TMEM184B: variants seen among roughly 807,000 people sequenced by gnomAD.
TMEM184B encodes the protein putative MAPK-activating protein FM08.
In TMEM184B, 17 loss-of-function variants were observed where a neutral mutation model predicts 41.8. That is an observed-to-expected ratio of 0.41 (90% CI 0.28 to 0.61). The LOEUF is 0.61. Ranked by LOEUF, TMEM184B falls within the 20% of genes least tolerant of loss-of-function variation. The pLI, the probability that TMEM184B is intolerant of heterozygous loss-of-function variation, is 0.34. For missense variants in TMEM184B, 393 were observed against 557.8 expected, an observed-to-expected ratio of 0.70 and a Z score of 2.98; for synonymous variants, 240 against 229.5, an observed-to-expected ratio of 1.05 and a Z score of -0.41.
chr22:38,272,637 T>G, intron 1 of TMEM184B: 1 of 985,426 alleles, frequency 1.0e-6, no homozygotes, highest in Non-Finnish European at 1.2e-6. Context: ...CCCCGCCACG[T>G]TGGCGTGGAA....
At position 38,226,873 on chromosome 22, in the gene TMEM184B, G is replaced by A. The variant is rs1419360245; in HGVS notation, c.526-3C>T. On this transcript the variant is annotated splice_polypyrimidine_tract_variant and splice_region_variant and intron_variant, in intron 5 of 8. Coordinates refer to ENST00000361906, the MANE Select transcript of TMEM184B (RefSeq NM_012264.5). This position sits in a 1 kb window ranked among gnomAD's most constrained non-coding sequence, Gnocchi z 4.6. ...ACCACACAGAACTGCAGGGTGGCCT[G>A]TTGGGGGGAAAAGGAGGTTGAGTGT... is the stretch of plus-strand genomic sequence containing the variant. The A allele has an allele frequency of 6.3e-7, 1 of 1,584,848 alleles. No homozygotes were observed. The highest frequency in any genetic ancestry group is 1.2e-5 in the South Asian group (1 of 86,950).
chr22:38,255,345 T>C (rs1199783190), intron 1 of TMEM184B, among the ~76,000 whole-genome samples: 3 of 151,360 alleles, frequency 2.0e-5, no homozygotes, highest in Non-Finnish European at 4.4e-5. Flanking sequence ...TAATTTTTTT[T>C]GTATTTTTAG....
intron 1 of TMEM184B, among the ~76,000 whole-genome samples, chr22:38,260,290 A>C (rs932094796): frequency 1.3e-5 from 2 of 152,072 alleles, no homozygotes; most frequent in Non-Finnish European, 2.9e-5. Context: ...TCCTGACCTC[A>C]AGTGATCCAC....
intron 1 of TMEM184B, among the ~76,000 whole-genome samples, chr22:38,249,623 A>C (rs1310202136): frequency 6.6e-6 from 1 of 152,194 alleles, no homozygotes; most frequent in Non-Finnish European, 1.5e-5. Context: ...ACCGTCTCTG[A>C]GCCAAAAAGT....
chr22:38,263,437 T>C (rs2092399640), intron 1 of TMEM184B, among the ~76,000 whole-genome samples: 1 of 152,166 alleles, frequency 6.6e-6, no homozygotes, highest in Non-Finnish European at 1.5e-5. Flanking sequence ...GACCTGCTTC[T>C]TCCCTCGGCA....
intron 3 of TMEM184B, among the ~76,000 whole-genome samples, chr22:38,241,465 A>C (rs1319764333): frequency 6.6e-6 from 1 of 150,572 alleles, no homozygotes; most frequent in Non-Finnish European, 1.5e-5. Flanking sequence ...AGGCGCAAGG[A>C]TCATTTGAGC....
Position 38,258,744 on chromosome 22 carries a change from C to T in TMEM184B, c.-58-10725G>A, listed in dbSNP as rs148673493. 4.6e-3 allele frequency among the ~76,000 whole-genome samples: 704 copies of T among 152,176 alleles called. 3 individuals are homozygous for T. Among genetic ancestry groups the T allele is most frequent in the Middle Eastern group, 0.01 (3 of 294 alleles). The stretch of plus-strand genomic sequence containing the variant: ...ACCCTAAGGAAGATAGTTTTAAAGG[C>T]CATAATTAGTATCACATCAATTCAG... On this transcript the variant is annotated intron_variant, in intron 1 of 8. Transcript: ENST00000361906.
At chr22:38,272,689 G>A (rs954245554) in intron 1 of TMEM184B, 195 bp downstream of exon 1, 5 of 985,362 alleles carry the variant, frequency 5.1e-6, no homozygotes, top group South Asian at 4.7e-5. Context: ...GGGGCGGAGA[G>A]GAGGCACGGG....
Position 38,224,819 on chromosome 22 carries a change from G to A in TMEM184B, c.948C>T (p.Tyr316=), listed in dbSNP as rs578213091. Residue 316 remains tyrosine, a synonymous_variant, in exon 8 of 9, where the codon TAC becomes TAT. Transcript: ENST00000361906. ...CCAGCCTCTTGTCAGCATAGACCTT[G>A]TAGGTGAAGGCGTGCCGCAGGGCCA... ...AALALRHAFT[Y]KVYADKRLDA... 1.2e-6 allele frequency: 2 copies of A among 1,613,012 alleles called. No homozygotes were observed. The highest frequency in any genetic ancestry group is 1.1e-5 in the South Asian group (1 of 91,032).
Position 38,225,593 on chromosome 22 carries a change from G to A in TMEM184B, c.618C>T (p.Asp206=), listed in dbSNP as rs772533329. 1.4e-5 allele frequency: 22 copies of A among 1,603,822 alleles called. No individual in the cohort carries two copies. Among genetic ancestry groups the A allele is most frequent in the Non-Finnish European group, 1.6e-5 (19 of 1,176,244 alleles). Reference sequence around the variant, plus strand: ...TCACGTAGAGGTAGCCACTGGTGACGCTGCGGGACGGGGAGCATTTTCTGG... The same window carrying A: ...TCACGTAGAGGTAGCCACTGGTGACACTGCGGGACGGGGAGCATTTTCTGG... ...AFGKYRDGDF[D]VTSGYLYVTI... The change falls in exon 7 of 9, where the codon GAC becomes GAT. Residue 206 remains aspartate, a splice_region_variant and synonymous_variant. Transcript: ENST00000361906. This position sits in a 1 kb window ranked among gnomAD's most constrained non-coding sequence, Gnocchi z 4.4.
chr22:38,236,051 C>A (rs2091765465), intron 3 of TMEM184B, among the ~76,000 whole-genome samples: 1 of 152,212 alleles, frequency 6.6e-6, no homozygotes, highest in Admixed American at 6.5e-5. Flanking sequence ...CAGGCCAAGT[C>A]CAGAGGGCAG....
At chr22:38,257,070 C>G (rs575342080) in intron 1 of TMEM184B, among the ~76,000 whole-genome samples, 209 of 150,864 alleles carry the variant, frequency 1.4e-3, no homozygotes, top group East Asian at 3.3e-3. Flanking sequence ...CAACCTCCAC[C>G]TCCAGAATTC....
In TMEM184B at chr22:38,231,304, C is replaced by A. The variant is rs1442687413; in HGVS notation, c.389G>T (p.Cys130Phe). 1.9e-6 allele frequency: 3 copies of A among 1,614,048 alleles called. No homozygotes were observed. The highest frequency in any genetic ancestry group is 2.5e-6 in the Non-Finnish European group (3 of 1,180,036). ...ACTTTCTCCTCCTAGGTACTCATAGCACAGGCTCAGGAAATTATAGATGAC... is the reference window on the plus strand; with the variant it reads ...ACTTTCTCCTCCTAGGTACTCATAGAACAGGCTCAGGAAATTATAGATGAC... ...ALVIYNFLSL[C>F]YEYLGGESSI... The change falls in exon 4 of 9, where the codon TGC (cysteine) becomes TTC (phenylalanine). Residue 130 changes from cysteine (C) to phenylalanine (F), a missense_variant. This residue lies in a region of TMEM184B where 271 missense variants were observed against 434.1 expected (regional missense o/e 0.62). Coordinates refer to ENST00000361906, the MANE Select transcript of TMEM184B (RefSeq NM_012264.5).
intron 1 of TMEM184B, among the ~76,000 whole-genome samples, chr22:38,271,172 T>C (rs1466878395): frequency 2.0e-5 from 3 of 152,178 alleles, no homozygotes; most frequent in Non-Finnish European, 1.5e-5. Context: ...CGTATCCAGA[T>C]TGGGGTCACT....
chr22:38,229,312 C>T (rs77185507), intron 5 of TMEM184B, among the ~76,000 whole-genome samples: 4,361 of 152,342 alleles, frequency 0.029, 226 homozygotes, highest in African/African-American at 0.099. Flanking sequence ...CAGACTCTGC[C>T]TCCCTGAACA....
At position 38,241,235 on chromosome 22, in the gene TMEM184B, G is replaced by A. The variant is rs572053805; in HGVS notation, c.358+4700C>T. ...GCTCAGGGATTCCTGGATTGGCCTGGCTTTACTGAGAGCAGGGCTGGTTGG... is the reference window on the plus strand; with the variant it reads ...GCTCAGGGATTCCTGGATTGGCCTGACTTTACTGAGAGCAGGGCTGGTTGG... On this transcript the variant is annotated intron_variant, in intron 3 of 8. Coordinates refer to ENST00000361906, the MANE Select transcript of TMEM184B (RefSeq NM_012264.5). Among the ~76,000 whole-genome samples the A allele has an allele frequency of 3.2e-4, 49 of 152,320 alleles. 1 individual carries two copies. In the Middle Eastern group the frequency reaches 0.014, roughly 42 times the overall value.
intron 1 of TMEM184B, among the ~76,000 whole-genome samples, chr22:38,256,592 C>T (rs187112863): frequency 1.8e-4 from 28 of 152,296 alleles, no homozygotes; most frequent in African/African-American, 6.7e-4. Context: ...AACTGAGTCC[C>T]TCCCCATCTT....
downstream of TMEM184B, among the ~76,000 whole-genome samples, chr22:38,218,813 C>T (rs1187460921): frequency 6.6e-6 from 1 of 152,234 alleles, no homozygotes; most frequent in Non-Finnish European, 1.5e-5. Context: ...CTCCCGTCAG[C>T]AGCAAGCCAG....
chr22:38,233,308 G>A (rs760973686), intron 3 of TMEM184B, among the ~76,000 whole-genome samples: 2 of 152,198 alleles, frequency 1.3e-5, no homozygotes, highest in Non-Finnish European at 2.9e-5. Context: ...AGAGGTATGC[G>A]ATGTGTGTGA....
Sources: allele counts gnomAD v4.1 joint callset (sites outside exome capture counted in the v4.1 genomes callset), GRCh38; gene constraint gnomAD v4.1.1; regional missense constraint gnomAD v4.1.1; non-coding constraint Gnocchi (gnomAD v3.1); transcripts MANE v1.5; gene names NCBI Gene and HGNC (gene_info 2026-07-23, HGNC 2026-07-21).